Variants in UNC13C observed in about 807,000 individuals in gnomAD.
UNC13C encodes protein unc-13 homolog C.
UNC13C carries 174 observed loss-of-function variants against 245.4 expected under a neutral mutation model. That is an observed-to-expected ratio of 0.71 (90% CI 0.63 to 0.80). UNC13C has a LOEUF of 0.80. UNC13C is among the 30% of genes least tolerant of loss of function. UNC13C has a pLI of 0.00. For missense variants in UNC13C, 2,829 were observed against 2,602.9 expected (o/e 1.09, Z -1.89); for synonymous variants, 992 against 895.1 (o/e 1.11, Z -1.93).
chr15:54,564,759 G>T (rs1897437060), intron 29 of UNC13C, among the ~76,000 whole-genome samples: 2 of 151,934 alleles, frequency 1.3e-5, no homozygotes, highest in Admixed American at 6.6e-5. Flanking sequence ...CTTTACCACA[G>T]TATGCCTCAG....
At chr15:54,147,825 T>TGTG (rs1555423252) in intron 4 of UNC13C, among the ~76,000 whole-genome samples, 2 of 151,944 alleles carry the variant, frequency 1.3e-5, no homozygotes, top group Non-Finnish European at 2.9e-5. Context: ...TGTGTGTCTA[T>TGTG]TCTCTAAGCA....
At chr15:53,850,218 A>G in the UNC13C span, among the ~76,000 whole-genome samples, 2 of 151,900 alleles carry the variant, frequency 1.3e-5, no homozygotes, top group South Asian at 4.2e-4. Context: ...GTTCAAGACC[A>G]GCCTGGGCAA....
In UNC13C at chr15:54,628,132, A is replaced by G. The variant is rs543099653; in HGVS notation, c.*1019A>G. The G allele has an allele frequency of 2.0e-5, 3 of 152,188 alleles. No homozygotes were observed. The highest frequency in any genetic ancestry group is 7.2e-5 in the African/African-American group (3 of 41,462). 9.4% of individuals were successfully genotyped at this position (152,188 alleles called of 1,614,324 possible). A position where few individuals can be genotyped will look rare whatever the true frequency, so the allele number is the denominator to read the frequency against. The stretch of plus-strand genomic sequence containing the variant: ...GCTTAAAATTTTGTAATTTGTATTT[A>G]TAAGCCCCAAATGCATCAAATGCAG... On this transcript the variant is annotated 3_prime_UTR_variant, in exon 33 of 33. Coordinates refer to ENST00000260323, the MANE Select transcript of UNC13C (RefSeq NM_001080534.3).
At chr15:54,235,521 A>T (rs1394443495) in intron 5 of UNC13C, among the ~76,000 whole-genome samples, 1 of 152,196 alleles carries the variant, frequency 6.6e-6, no homozygotes, top group African/African-American at 2.4e-5. Context: ...CAAGCAGATA[A>T]CATTAATCAA....
chr15:53,908,974 A>G, the UNC13C span, among the ~76,000 whole-genome samples: 8,792 of 146,268 alleles, frequency 0.06, 1,214 homozygotes, highest in African/African-American at 0.2. Flanking sequence ...CTATAAACAC[A>G]TTTGTATATG....
intron 4 of UNC13C, among the ~76,000 whole-genome samples, chr15:54,186,132 C>G (rs1450158336): frequency 6.6e-6 from 1 of 151,960 alleles, no homozygotes. Flanking sequence ...TATCCTGAGA[C>G]TTTGCTGAAG....
intron 13 of UNC13C, among the ~76,000 whole-genome samples, chr15:54,302,962 T>C (rs904991390): frequency 6.6e-6 from 1 of 152,060 alleles, no homozygotes; most frequent in Non-Finnish European, 1.5e-5. Flanking sequence ...TAATTACTGA[T>C]AGAGAAATTG....
chr15:54,183,757 GA>G (rs56121438), intron 4 of UNC13C, among the ~76,000 whole-genome samples: 40,996 of 114,876 alleles, frequency 0.36, 6,079 homozygotes, highest in East Asian at 0.49. Flanking sequence ...TTGTGAGACA[GA>G]AAAAAAAAAA....
the UNC13C span, among the ~76,000 whole-genome samples, chr15:53,933,167 G>A: frequency 2.6e-4 from 39 of 152,180 alleles, no homozygotes; most frequent in African/African-American, 8.9e-4. Context: ...TGGACAATTA[G>A]GATAGCATCC....
chr15:54,580,473 G>C (rs1419204103), intron 30 of UNC13C, among the ~76,000 whole-genome samples: 1 of 152,198 alleles, frequency 6.6e-6, no homozygotes, highest in Non-Finnish European at 1.5e-5. Flanking sequence ...GAAAACAGGT[G>C]AATGGAGAGC....
At chr15:53,860,277 A>G in the UNC13C span, among the ~76,000 whole-genome samples, 1 of 152,142 alleles carries the variant, frequency 6.6e-6, no homozygotes, top group Non-Finnish European at 1.5e-5. Context: ...TATCATTTTC[A>G]AGCAATATTT....
At chr15:54,392,505 G>A (rs934443403) in intron 17 of UNC13C, among the ~76,000 whole-genome samples, 2 of 151,994 alleles carry the variant, frequency 1.3e-5, no homozygotes, top group African/African-American at 2.4e-5. Context: ...AATTAATGTT[G>A]CATATATAGT....
chr15:53,975,229 T>TA (rs1330722570), upstream of UNC13C, among the ~76,000 whole-genome samples: 1 of 152,244 alleles, frequency 6.6e-6, no homozygotes, highest in Non-Finnish European at 1.5e-5. Flanking sequence ...TACTACCATG[T>TA]AATCTATGCT....
At chr15:53,965,219 G>A in the UNC13C span, among the ~76,000 whole-genome samples, 162 of 152,082 alleles carry the variant, frequency 1.1e-3, no homozygotes, top group African/African-American at 3.7e-3. Context: ...GAACACTTAC[G>A]TGCCTATCAA....
chr15:54,346,355 C>G (rs1211193137), intron 17 of UNC13C, among the ~76,000 whole-genome samples: 3 of 152,186 alleles, frequency 2.0e-5, no homozygotes, highest in Non-Finnish European at 4.4e-5. Flanking sequence ...CAAATTACAG[C>G]TCTACTTTTC....
the UNC13C span, among the ~76,000 whole-genome samples, chr15:53,852,826 C>T: frequency 2.6e-5 from 4 of 152,050 alleles, no homozygotes; most frequent in Admixed American, 6.5e-5. Flanking sequence ...GATTCTAATA[C>T]TCCTTCATGA....
intron 2 of UNC13C, among the ~76,000 whole-genome samples, chr15:54,121,363 G>T (rs780335712): frequency 6.6e-6 from 1 of 152,008 alleles, no homozygotes. Context: ...TTTAATTAAG[G>T]CATGCACATT....
chr15:54,568,808 C>A (rs1263820295), intron 30 of UNC13C, among the ~76,000 whole-genome samples: 3 of 152,148 alleles, frequency 2.0e-5, no homozygotes, highest in Admixed American at 2.0e-4. Flanking sequence ...ACCCTGGACT[C>A]ATCATTGTTT....
chr15:53,918,804 A>G, the UNC13C span, among the ~76,000 whole-genome samples: 1 of 152,100 alleles, frequency 6.6e-6, no homozygotes. Flanking sequence ...CCCCCACACC[A>G]TGGGATTTAT....
Sources: allele counts gnomAD v4.1 joint callset (sites outside exome capture counted in the v4.1 genomes callset), GRCh38; gene constraint gnomAD v4.1.1; transcripts MANE v1.5; gene names NCBI Gene and HGNC (gene_info 2026-07-23, HGNC 2026-07-21).